Variants in DRAM1 observed in about 807,000 individuals in gnomAD.
DRAM1 encodes the protein DNA damage-regulated autophagy modulator protein 1.
A neutral mutation model predicts 28.5 loss-of-function variants in DRAM1; 25 were observed. The observed-to-expected ratio is 0.88, with a 90% CI of 0.64 to 1.23. DRAM1 has a LOEUF of 1.23. DRAM1 is among the 50% of genes most tolerant of loss of function. The probability of loss-of-function intolerance (pLI) is 0.00; values close to 1 mark genes in which losing one functional copy is unlikely to be tolerated. For missense variants in DRAM1, 249 were observed against 299.2 expected (o/e 0.83, Z 1.24); for synonymous variants, 113 against 114.2 (o/e 0.99, Z 0.07).
In DRAM1 at chr12:101,908,257, C is replaced by T; in HGVS notation, c.414C>T (p.Leu138=). 1 of 1,614,136 alleles carries T rather than the reference C, an allele frequency of 6.2e-7. No homozygotes were observed. The highest frequency in any genetic ancestry group is 8.5e-7 in the Non-Finnish European group (1 of 1,180,018). The change falls in exon 4 of 7, where the codon CTC becomes CTT. Residue 138 remains leucine, a synonymous_variant. Transcript: ENST00000258534. Reference sequence around the variant, plus strand: ...TTGTCTGTGGTGTCGTGTACACGCTCCTACAGTCCATCATCTCTTACAAAT... The same window carrying T: ...TTGTCTGTGGTGTCGTGTACACGCTTCTACAGTCCATCATCTCTTACAAAT... ...LAFVCGVVYT[L]LQSIISYKSC...
At chr12:101,903,228 G>T (rs1380917452) in intron 3 of DRAM1, among the ~76,000 whole-genome samples, 1 of 152,136 alleles carries the variant, frequency 6.6e-6, no homozygotes, top group Non-Finnish European at 1.5e-5. Flanking sequence ...TTTTTCTTGA[G>T]TTGCAATAAA....
chr12:101,892,416 T>A (rs867241727), intron 1 of DRAM1, among the ~76,000 whole-genome samples: 24,606 of 107,108 alleles, frequency 0.23, 2,775 homozygotes, highest in African/African-American at 0.47. Flanking sequence ...TTTTTTTTTT[T>A]TTTTTTTTTG....
intron 3 of DRAM1, among the ~76,000 whole-genome samples, chr12:101,901,818 G>A (rs183884601): frequency 2.0e-5 from 3 of 148,846 alleles, no homozygotes; most frequent in African/African-American, 7.5e-5. Flanking sequence ...GGTGGAGGTT[G>A]CAGTGAGCCG....
chr12:101,891,996 A>C (rs909904865), intron 1 of DRAM1, among the ~76,000 whole-genome samples: 1 of 152,200 alleles, frequency 6.6e-6, no homozygotes, highest in Admixed American at 6.6e-5. Flanking sequence ...GAGCTTAAAA[A>C]AAATAAATAA....
Position 101,920,092 on chromosome 12 carries a change from C to A in DRAM1, c.580-17C>A. 1.3e-6 allele frequency: 2 copies of A among 1,548,916 alleles called. No homozygotes were observed. Among genetic ancestry groups the A allele is most frequent in the Non-Finnish European group, 1.8e-6 (2 of 1,140,848 alleles). On this transcript the variant is annotated splice_polypyrimidine_tract_variant and intron_variant, in intron 5 of 6. Transcript: ENST00000258534. ...AGTCTTTTTCGGCTAAATTCTGTTTCTTTATTATTGCATTAGGATTATGTA... is the reference window on the plus strand; with the variant it reads ...AGTCTTTTTCGGCTAAATTCTGTTTATTTATTATTGCATTAGGATTATGTA...
At chr12:101,889,940 CA>C (rs778793274) in intron 1 of DRAM1, 35,245 of 241,620 alleles carry the variant, frequency 0.15, 14 homozygotes, top group South Asian at 0.16. Context: ...GACTCTGTCT[CA>C]AAAAAAAAAA....
At chr12:101,890,853 C>G (rs1304945285) in intron 1 of DRAM1, among the ~76,000 whole-genome samples, 4 of 150,632 alleles carry the variant, frequency 2.7e-5, no homozygotes, top group Non-Finnish European at 5.9e-5. Context: ...CGGGTTCAAG[C>G]GATTCTCCTG....
intron 2 of DRAM1, among the ~76,000 whole-genome samples, chr12:101,899,841 AT>A (rs1315944771): frequency 6.6e-6 from 1 of 152,206 alleles, no homozygotes; most frequent in Non-Finnish European, 1.5e-5. Context: ...ATGTATTATC[AT>A]TTATTTAATC....
At chr12:101,913,492 G>A (rs12319175) in intron 4 of DRAM1, among the ~76,000 whole-genome samples, 40,189 of 151,680 alleles carry the variant, frequency 0.26, 5,711 homozygotes, top group Middle Eastern at 0.38. Flanking sequence ...GATCACCTGA[G>A]GTCAGGAGTT....
intron 1 of DRAM1, among the ~76,000 whole-genome samples, chr12:101,888,683 T>TA (rs1872978102): frequency 1.3e-5 from 2 of 152,062 alleles, no homozygotes; most frequent in African/African-American, 4.8e-5. Flanking sequence ...GTGAATTAAG[T>TA]AAAATTATGA....
intron 4 of DRAM1, 28 bp from the exon 5 acceptor site, chr12:101,914,146 A>T: frequency 6.5e-7 from 1 of 1,529,654 alleles, no homozygotes; most frequent in Non-Finnish European, 9.0e-7. Flanking sequence ...TGTGTGCTGT[A>T]GTTTCCTTAA....
At chr12:101,898,095 A>G (rs113948811) in intron 2 of DRAM1, among the ~76,000 whole-genome samples, 165 bp downstream of exon 2, 2 of 152,118 alleles carry the variant, frequency 1.3e-5, no homozygotes, top group Non-Finnish European at 2.9e-5. Context: ...ATCACGGCTC[A>G]CTGCAGCCTC....
chr12:101,903,691 C>CA (rs1338557373), intron 3 of DRAM1, among the ~76,000 whole-genome samples: 4 of 151,514 alleles, frequency 2.6e-5, no homozygotes, highest in Non-Finnish European at 2.9e-5. Context: ...GTTCTCATCA[C>CA]AAAAAAAATG....
At chr12:101,917,536 A>AAC (rs1285947870) in intron 5 of DRAM1, among the ~76,000 whole-genome samples, 1 of 150,236 alleles carries the variant, frequency 6.7e-6, no homozygotes, top group East Asian at 1.9e-4. Flanking sequence ...AAAAAAAAAA[A>AAC]AATTTTTGGT....
At chr12:101,894,122 A>AT (rs1163007544) in intron 1 of DRAM1, among the ~76,000 whole-genome samples, 1 of 151,474 alleles carries the variant, frequency 6.6e-6, no homozygotes, top group Non-Finnish European at 1.5e-5. Flanking sequence ...TTTTTTATTT[A>AT]TTTTTTAATT....
At chr12:101,901,208 A>T in intron 2 of DRAM1, 83 bp from the exon 3 acceptor site, 1 of 1,493,170 alleles carries the variant, frequency 6.7e-7, no homozygotes, top group Non-Finnish European at 9.0e-7. Flanking sequence ...GTACATTTTT[A>T]AAAAGTGATA....
At chr12:101,911,525 A>C (rs1237226527) in intron 4 of DRAM1, among the ~76,000 whole-genome samples, 1 of 152,172 alleles carries the variant, frequency 6.6e-6, no homozygotes, top group African/African-American at 2.4e-5. Flanking sequence ...CTTCTCCCTC[A>C]GGCTTGGTTG....
At chr12:101,914,806 C>A (rs957864477) in intron 5 of DRAM1, among the ~76,000 whole-genome samples, 1 of 150,624 alleles carries the variant, frequency 6.6e-6, no homozygotes, top group African/African-American at 2.4e-5. Context: ...CACAGGCGTG[C>A]GCCACATGCC....
At chr12:101,886,860 G>T (rs1424166607) in intron 1 of DRAM1, among the ~76,000 whole-genome samples, 3 of 152,162 alleles carry the variant, frequency 2.0e-5, no homozygotes, top group Non-Finnish European at 4.4e-5. Flanking sequence ...AAAAAATTTG[G>T]TTGGGCCGGA....
Sources: gnomAD v4.1 joint callset for allele counts (sites outside exome capture counted in the v4.1 genomes callset) on GRCh38, gnomAD v4.1.1 for gene constraint, MANE v1.5 for transcripts, NCBI Gene and HGNC (gene_info 2026-07-23, HGNC 2026-07-21) for gene names.